ARHGAP24: variants seen among roughly 807,000 people sequenced by gnomAD.
ARHGAP24 encodes rho GTPase-activating protein 24.
Under a neutral mutation model 76.4 loss-of-function variants are expected in ARHGAP24, and 50 were observed. The observed-to-expected ratio is 0.65, with a 90% CI of 0.52 to 0.83. The LOEUF (loss-of-function observed/expected upper bound fraction) is 0.83. Among genes scored for constraint, ARHGAP24 ranks in the 40% least tolerant of loss-of-function variants. The pLI is 0.00. For synonymous variants in ARHGAP24, 345 were observed against 323.3 expected, an observed-to-expected ratio of 1.07 and a Z score of -0.72; for missense variants, 930 against 914.2, an observed-to-expected ratio of 1.02 and a Z score of -0.22.
At chr4:85,629,460 T>C (rs1721087832) in intron 2 of ARHGAP24, among the ~76,000 whole-genome samples, 1 of 152,204 alleles carries the variant, frequency 6.6e-6, no homozygotes, top group Non-Finnish European at 1.5e-5. Flanking sequence ...TACTTACATA[T>C]GTTTTCACAT....
At chr4:85,778,652 G>T in intron 3 of ARHGAP24, 1 of 974,398 alleles carries the variant, frequency 1.0e-6, no homozygotes, top group Non-Finnish European at 1.2e-6. Context: ...ATTATTTAAG[G>T]TATATTTCCT....
intron 2 of ARHGAP24, among the ~76,000 whole-genome samples, chr4:85,597,550 G>A (rs989890331): frequency 6.6e-6 from 1 of 151,986 alleles, no homozygotes; most frequent in African/African-American, 2.4e-5. Context: ...CAGTCATATG[G>A]CTACTGGAAA....
At chr4:85,658,310 G>T (rs1289180593) in intron 2 of ARHGAP24, among the ~76,000 whole-genome samples, 1 of 152,028 alleles carries the variant, frequency 6.6e-6, no homozygotes, top group Non-Finnish European at 1.5e-5. Flanking sequence ...ATATGTAGCG[G>T]ATCATTTTTG....
At chr4:85,737,939 C>T (rs553293947) in intron 3 of ARHGAP24, among the ~76,000 whole-genome samples, 17 of 152,044 alleles carry the variant, frequency 1.1e-4, no homozygotes, top group Non-Finnish European at 1.9e-4. Flanking sequence ...ATACCACTGC[C>T]ATTCCTAGTG....
At chr4:85,963,853 TGTTA>T (rs368677554) in intron 5 of ARHGAP24, among the ~76,000 whole-genome samples, 2 of 152,188 alleles carry the variant, frequency 1.3e-5, no homozygotes, top group African/African-American at 4.8e-5. Context: ...TCATTTTGTT[TGTTA>T]TTTATATTTA....
At chr4:85,479,994 A>G (rs1252613501) in intron 1 of ARHGAP24, among the ~76,000 whole-genome samples, 1 of 152,210 alleles carries the variant, frequency 6.6e-6, no homozygotes, top group Non-Finnish European at 1.5e-5. Context: ...TTTAAGAATA[A>G]TAGTCCAATC....
intron 6 of ARHGAP24, 158 bp downstream of exon 6, chr4:85,972,326 C>T: frequency 1.1e-6 from 1 of 897,696 alleles, no homozygotes; most frequent in Non-Finnish European, 1.7e-6. Context: ...GTATACAGCT[C>T]AAGCACCATT....
At chr4:85,971,884 G>T in intron 5 of ARHGAP24, 152 bp from the exon 6 acceptor site, 1 of 990,724 alleles carries the variant, frequency 1.0e-6, no homozygotes. Flanking sequence ...GCATCTAATA[G>T]GCATCACATA....
intron 1 of ARHGAP24, 31 bp from the exon 2 acceptor site, chr4:85,570,491 T>A: frequency 6.3e-7 from 1 of 1,586,076 alleles, no homozygotes; most frequent in Non-Finnish European, 8.6e-7. Flanking sequence ...GAGCACCTCA[T>A]TATTTTCCTT....
chr4:85,990,744 C>G (rs992871612), intron 8 of ARHGAP24: 3 of 151,882 alleles, frequency 2.0e-5, no homozygotes, highest in Non-Finnish European at 4.4e-5. Context: ...TTACCTCAAT[C>G]CTTGCCTCAC....
At chr4:85,771,561 T>C (rs913951045) in intron 3 of ARHGAP24, among the ~76,000 whole-genome samples, 1 of 152,218 alleles carries the variant, frequency 6.6e-6, no homozygotes, top group East Asian at 1.9e-4. Flanking sequence ...TCAGAAATAA[T>C]GTTTTACCAG....
rs570439837 is a variant in ARHGAP24, at chr4:85,927,793, A to T, written c.391+4023A>T. On this transcript the variant is annotated intron_variant, in intron 4 of 9. Transcript: ENST00000395184. ...TTTTAAAAAGCTAAAGTTTTTCATG[A>T]GGCACTGAAGCTTATCTTTATTCAG... Among the ~76,000 whole-genome samples, 5 of 152,292 alleles carry T rather than the reference A, an allele frequency of 3.3e-5. No individual in the cohort carries two copies. The East Asian group carries it at 9.6e-4, about 29-fold the overall frequency.
intron 3 of ARHGAP24, among the ~76,000 whole-genome samples, chr4:85,826,441 ACT>A (rs1729716248): frequency 6.6e-6 from 1 of 151,982 alleles, no homozygotes; most frequent in Non-Finnish European, 1.5e-5. Flanking sequence ...CAATTAACTG[ACT>A]CTGGCCATGT....
rs183256128 is a variant in ARHGAP24, at chr4:85,915,580, G to A, written c.269-8068G>A. On this transcript the variant is annotated intron_variant, in intron 3 of 9. Transcript: ENST00000395184. ...TGCTATCCCTCCCCTAGCCCCCCAC[G>A]CCCCAATAAGCCCCAGTGTGTGATA... is the stretch of plus-strand genomic sequence containing the variant. 6.4e-4 allele frequency among the ~76,000 whole-genome samples: 84 copies of A among 130,476 alleles called. 1 individual carries two copies. The highest frequency in any genetic ancestry group is 2.3e-3 in the African/African-American group (79 of 34,282). 85.6% of individuals were successfully genotyped at this position (130,476 alleles called of 152,430 possible).
At chr4:85,943,542 G>A (rs1200071100) in intron 5 of ARHGAP24, among the ~76,000 whole-genome samples, 1 of 151,982 alleles carries the variant, frequency 6.6e-6, no homozygotes, top group African/African-American at 2.4e-5. Context: ...CACGTGCCAT[G>A]GTGGTTTGCT....
chr4:85,934,313 CTT>C (rs1736510102), intron 4 of ARHGAP24, among the ~76,000 whole-genome samples: 3 of 152,134 alleles, frequency 2.0e-5, no homozygotes, highest in Admixed American at 2.0e-4. Context: ...CTATTTCATC[CTT>C]TCTCCTAAAC....
In ARHGAP24 at chr4:85,622,924, G is replaced by A. The variant is rs544388838; in HGVS notation, c.180+52203G>A. On this transcript the variant is annotated intron_variant, in intron 2 of 9. Coordinates refer to ENST00000395184, the MANE Select transcript of ARHGAP24 (RefSeq NM_001025616.3). ...TGAGAAGTGTCTGTTCATATCCTTT[G>A]CCCACTTTTTGATGGGGTTGTTTGT... 5.9e-3 allele frequency among the ~76,000 whole-genome samples: 897 copies of A among 151,788 alleles called. 5 individuals are homozygous for A. The highest frequency in any genetic ancestry group is 8.9e-3 in the Non-Finnish European group (602 of 67,818).
chr4:85,729,198 C>T (rs1174363890), intron 3 of ARHGAP24, among the ~76,000 whole-genome samples: 1 of 151,826 alleles, frequency 6.6e-6, no homozygotes, highest in African/African-American at 2.4e-5. Flanking sequence ...TTAATATGTG[C>T]AAATCATTTA....
At chr4:85,605,485 T>C (rs1720162642) in intron 2 of ARHGAP24, among the ~76,000 whole-genome samples, 1 of 152,104 alleles carries the variant, frequency 6.6e-6, no homozygotes, top group African/African-American at 2.4e-5. Flanking sequence ...TATAAGTAAA[T>C]AGGAATAATA....
Sources: gnomAD v4.1 joint callset for allele counts (sites outside exome capture counted in the v4.1 genomes callset) on GRCh38, gnomAD v4.1.1 for gene constraint, MANE v1.5 for transcripts, NCBI Gene and HGNC (gene_info 2026-07-23, HGNC 2026-07-21) for gene names.